The following CFI variants were observed in gnomAD, a reference collection of about 807,000 sequenced individuals.
The protein encoded by CFI is C3B/C4B inactivator.
In CFI, 66 loss-of-function variants were observed where a neutral mutation model predicts 78.8. The observed-to-expected ratio is 0.84, with a 90% CI of 0.69 to 1.03. The LOEUF is 1.03. CFI is among the 50% of genes least tolerant of loss of function. CFI has a pLI of 0.00. For synonymous variants in CFI, 250 were observed against 232.6 expected, an observed-to-expected ratio of 1.07 and a Z score of -0.68; for missense variants, 706 against 704.5, an observed-to-expected ratio of 1.00 and a Z score of -0.02.
At chr4:109,756,977 G>GAAAGAAAGAAAGAAAT (rs1380821599) in intron 7 of CFI, among the ~76,000 whole-genome samples, 6 of 141,042 alleles carry the variant, frequency 4.3e-5, no homozygotes, top group Non-Finnish European at 9.3e-5. Flanking sequence ...AAGAAAGAAA[G>GAAAGAAAGAAAGAAAT]AAATTCTGAG....
rs375767620 is a variant in CFI, at chr4:109,766,302, T to A, written c.328+252A>T. Among the ~76,000 whole-genome samples, 159 of 152,154 alleles carry A rather than the reference T, an allele frequency of 1.0e-3. 1 individual carries two copies. The highest frequency in any genetic ancestry group is 3.8e-3 in the African/African-American group (156 of 41,528). Reference sequence around the variant, plus strand: ...GAGGGTGGGGACAATTCTAAAGGGCTGGGCAGCAGGGAGTGGCACCGGCAC... The same window carrying A: ...GAGGGTGGGGACAATTCTAAAGGGCAGGGCAGCAGGGAGTGGCACCGGCAC... On this transcript the variant is annotated intron_variant, in intron 2 of 12. Transcript: ENST00000394634.
At chr4:109,769,548 G>T (rs1358832243) in intron 1 of CFI, among the ~76,000 whole-genome samples, 1 of 152,170 alleles carries the variant, frequency 6.6e-6, no homozygotes, top group African/African-American at 2.4e-5. Context: ...ACTAGCCTTG[G>T]CAAGGTGGGG....
chr4:109,740,165 C>A (rs1723627057), downstream of CFI, among the ~76,000 whole-genome samples: 1 of 152,098 alleles, frequency 6.6e-6, no homozygotes, highest in South Asian at 2.1e-4. Context: ...GTAGTGTGCA[C>A]CTGTAATCCC....
chr4:109,752,452 T>C lies in CFI; in HGVS notation c.940+16A>G. 1 of 1,612,900 alleles carries C rather than the reference T, an allele frequency of 6.2e-7. No individual in the cohort carries two copies. ...AACCAGTGAGCCACCAATAAAAAAG[T>C]ATAACGTTAGCTTACCTGCATCCAT... On this transcript the variant is annotated intron_variant, in intron 8 of 12. Transcript: ENST00000394634.
intron 7 of CFI, among the ~76,000 whole-genome samples, chr4:109,756,008 G>GA (rs1293545615): frequency 6.6e-6 from 1 of 151,646 alleles, no homozygotes; most frequent in Non-Finnish European, 1.5e-5. Context: ...GTTGTGAAAA[G>GA]AAAAAAAGGA....
rs113612355 is a variant in CFI, at chr4:109,801,984, C to G, written c.-13G>C. On this transcript the variant is annotated 5_prime_UTR_variant, in exon 1 of 13. Coordinates refer to ENST00000394634, the MANE Select transcript of CFI (RefSeq NM_000204.5). Reference sequence around the variant, plus strand: ...GAAGAAGCTTCATGTTGGAGGTGTTCGGGGTCTTTGTCTCTGCTGAGAACT... The same window carrying G: ...GAAGAAGCTTCATGTTGGAGGTGTTGGGGGTCTTTGTCTCTGCTGAGAACT... The G allele has an allele frequency of 2.6e-4, 422 of 1,608,136 alleles. 3 individuals are homozygous for G. The highest frequency in any genetic ancestry group is 3.3e-4 in the Non-Finnish European group (388 of 1,175,048).
intron 1 of CFI, among the ~76,000 whole-genome samples, chr4:109,772,578 A>G (rs1728734922): frequency 1.4e-5 from 2 of 138,204 alleles, no homozygotes; most frequent in African/African-American, 5.5e-5. Flanking sequence ...GGTGAATTTG[A>G]TCGTTTTTTT....
chr4:109,797,765 A>G (rs28827596), intron 1 of CFI, among the ~76,000 whole-genome samples: 27,291 of 152,160 alleles, frequency 0.18, 4,648 homozygotes, highest in African/African-American at 0.43. Context: ...AGCTGAATAG[A>G]CATTTCTTCA....
chr4:109,774,413 A>G (rs1728963402), intron 1 of CFI, among the ~76,000 whole-genome samples: 1 of 152,174 alleles, frequency 6.6e-6, no homozygotes, highest in Non-Finnish European at 1.5e-5. Context: ...GGAGCAAGCT[A>G]TGCAGCTCTC....
rs184356649 is a variant in CFI, at chr4:109,740,895, A to G, written c.1750T>C (p.Ter584GlnextTer24). The stretch of plus-strand genomic sequence containing the variant: ...GAATGAAGAGAGAGATCACAATTTT[A>G]TACATTGTACTGAGAAATAAAAGGC... Reference protein sequence around the residue: ...GRPFISQYNV* With the variant: ...GRPFISQYNVQ Residue 584 changes from the stop codon to glutamine (Q), a stop_lost, in exon 13 of 13, where the codon TAA (stop) becomes CAA (glutamine). Transcript: ENST00000394634. 7 of 1,610,092 alleles carry G rather than the reference A, an allele frequency of 4.3e-6. No individual in the cohort carries two copies. In the Admixed American group the frequency reaches 1.0e-4, roughly 23 times the overall value.
At chr4:109,758,029 T>G (rs1171017095) in intron 6 of CFI, 1 of 1,192,282 alleles carries the variant, frequency 8.4e-7, no homozygotes, top group African/African-American at 1.5e-5. Context: ...ATGCACAAAT[T>G]ATTAAATTTC....
intron 1 of CFI, among the ~76,000 whole-genome samples, chr4:109,788,628 A>T (rs1731023957): frequency 6.6e-6 from 1 of 152,208 alleles, no homozygotes; most frequent in East Asian, 1.9e-4. Context: ...TTTGTCCCAC[A>T]GCACAGACAC....
chr4:109,753,519 A>AT (rs1725621287), intron 7 of CFI, among the ~76,000 whole-genome samples: 1 of 30,434 alleles, frequency 3.3e-5, no homozygotes, highest in African/African-American at 1.0e-4. Context: ...TATATAAATA[A>AT]ATATTTATAA....
intron 8 of CFI, among the ~76,000 whole-genome samples, chr4:109,751,535 G>A (rs902539711): frequency 3.6e-5 from 5 of 139,248 alleles, no homozygotes; most frequent in African/African-American, 7.9e-5. Flanking sequence ...TCCACCTCCC[G>A]GGTTCAAGCG....
downstream of CFI, among the ~76,000 whole-genome samples, chr4:109,739,417 G>A (rs187992160): frequency 4.6e-5 from 7 of 152,244 alleles, no homozygotes; most frequent in East Asian, 1.4e-3. Context: ...AGACAGTGTT[G>A]AGAAGAGGTA....
rs116335427 is a variant in CFI at position 109,756,071 on chromosome 4, A to G, written c.904+1692T>C. On this transcript the variant is annotated intron_variant, in intron 7 of 12. Transcript: ENST00000394634. The stretch of plus-strand genomic sequence containing the variant: ...TGAGTAAAAAATGTATGCTTGCAAA[A>G]TAACAATACACATTGGATAAGAATG... Among the ~76,000 whole-genome samples, 752 of 152,350 alleles carry G rather than the reference A, an allele frequency of 4.9e-3. 9 individuals carry two copies. The highest frequency in any genetic ancestry group is 0.017 in the African/African-American group (724 of 41,580).
At chr4:109,789,199 G>A (rs1005817217) in intron 1 of CFI, among the ~76,000 whole-genome samples, 1 of 151,900 alleles carries the variant, frequency 6.6e-6, no homozygotes, top group African/African-American at 2.4e-5. Flanking sequence ...TAAATGAACT[G>A]TGGGGCAACT....
At chr4:109,782,203 G>A (rs1237278728) in intron 1 of CFI, among the ~76,000 whole-genome samples, 1 of 151,824 alleles carries the variant, frequency 6.6e-6, no homozygotes, top group African/African-American at 2.4e-5. Flanking sequence ...TCTCTTTATG[G>A]GCATCCAAAC....
rs766268069 is a variant in CFI at position 109,740,958 on chromosome 4, C to A, written c.1687G>T (p.Ala563Ser). Reference sequence around the variant, plus strand: ...TAGCTAATCCAGTCAAAATAATTGGCCACTTTGGTGTAAACACCTGGGAAC... The same window carrying A: ...TAGCTAATCCAGTCAAAATAATTGGACACTTTGGTGTAAACACCTGGGAAC... ...PEFPGVYTKV[A>S]NYFDWISYHV... The change falls in exon 13 of 13, where the codon GCC becomes TCC. Residue 563 changes from alanine (A) to serine (S), a missense_variant. Coordinates refer to ENST00000394634, the MANE Select transcript of CFI (RefSeq NM_000204.5). The A allele has an allele frequency of 6.2e-7, 1 of 1,614,136 alleles. No individual in the cohort carries two copies. Among genetic ancestry groups the A allele is most frequent in the Non-Finnish European group, 8.5e-7 (1 of 1,180,006 alleles).
Sources: allele counts gnomAD v4.1 joint callset (sites outside exome capture counted in the v4.1 genomes callset), GRCh38; gene constraint gnomAD v4.1.1; transcripts MANE v1.5; gene names NCBI Gene and HGNC (gene_info 2026-07-23, HGNC 2026-07-21).